STK33: variants seen among roughly 807,000 people sequenced by gnomAD.
STK33 encodes serine/threonine-protein kinase 33.
STK33 carries 52 observed loss-of-function variants against 58.0 expected under a neutral mutation model. The observed-to-expected ratio is 0.90, with a 90% confidence interval of 0.72 to 1.13. The LOEUF (loss-of-function observed/expected upper bound fraction) is 1.13, where lower values mean the gene tolerates loss of function less well. STK33 is among the 50% of genes most tolerant of loss of function. STK33 has a pLI of 0.00. For synonymous variants in STK33, 215 were observed against 200.1 expected (o/e 1.07, Z -0.63); for missense variants, 630 against 604.2 (o/e 1.04, Z -0.45).
intron 14 of STK33, among the ~76,000 whole-genome samples, chr11:8,415,001 A>T (rs1385467956): frequency 1.3e-5 from 2 of 152,070 alleles, no homozygotes; most frequent in African/African-American, 4.8e-5. Context: ...AATCAGGTAG[A>T]ATGGTAGATA....
chr11:8,417,662 A>C (rs1385243205), intron 14 of STK33, among the ~76,000 whole-genome samples: 1 of 152,140 alleles, frequency 6.6e-6, no homozygotes, highest in African/African-American at 2.4e-5. Context: ...CCTAGGAGTA[A>C]ATTTTTTCAG....
intron 1 of STK33, among the ~76,000 whole-genome samples, chr11:8,491,722 G>T (rs897662176): frequency 6.6e-6 from 1 of 152,174 alleles, no homozygotes; most frequent in East Asian, 1.9e-4. Flanking sequence ...ACAAAGGGAA[G>T]CCCATCAGAC....
Position 8,436,077 on chromosome 11 carries a change from T to C in STK33, c.1010A>G (p.Lys337Arg). 6.3e-7 allele frequency: 1 copy of C among 1,597,754 alleles called. No homozygotes were observed. The change falls in exon 13 of 16, where the codon AAA (lysine) becomes AGA (arginine). Residue 337 changes from lysine (K) to arginine (R), a missense_variant. Coordinates refer to ENST00000687296, the MANE Select transcript of STK33 (RefSeq NM_001352389.2). ...TGCATTTTCAAAATGTAGTTCTCCT[T>C]TTCTTATTAACTCAAAAAGCTTCTC... ...SEEKLFELIR[K>R]GELHFENAVW...
chr11:8,514,734 C>G (rs78411851), intron 1 of STK33, among the ~76,000 whole-genome samples: 2,251 of 152,314 alleles, frequency 0.015, 51 homozygotes, highest in African/African-American at 0.051. Flanking sequence ...ATGTTGATGA[C>G]ACCATCCTGG....
intron 6 of STK33, among the ~76,000 whole-genome samples, chr11:8,471,791 A>C (rs2137765742): frequency 6.6e-6 from 1 of 152,296 alleles, no homozygotes; most frequent in South Asian, 2.1e-4. Flanking sequence ...GCATAGAAAA[A>C]GTGAAGTTAA....
chr11:8,431,651 T>C (rs564424719), intron 14 of STK33, among the ~76,000 whole-genome samples: 8 of 152,256 alleles, frequency 5.3e-5, no homozygotes, highest in African/African-American at 1.9e-4. Flanking sequence ...ATATAGACAT[T>C]TGAGTGATTG....
rs1957859394 is a variant in STK33, at chr11:8,572,036, T to TTA, written c.-466+22046_-466+22047insTA. Among the ~76,000 whole-genome samples the TTA allele has an allele frequency of 7.1e-5, 5 of 70,346 alleles. 2 individuals carry two copies. The highest frequency in any genetic ancestry group is 9.4e-4 in the South Asian group (2 of 2,130). The allele number at this position is 70,346 out of a possible 152,430, so 46.1% of individuals were successfully genotyped here. ...AAAATTAAATTTTAATTTTAAAAAA[T>TTA]AAATTAATTAATTAATTAATTTTAA... is the stretch of plus-strand genomic sequence containing the variant. On this transcript the variant is annotated intron_variant, in intron 1 of 15. Coordinates refer to ENST00000687296, the MANE Select transcript of STK33 (RefSeq NM_001352389.2).
chr11:8,436,023 T>G lies in STK33; in HGVS notation c.1060+4A>C. The stretch of plus-strand genomic sequence containing the variant: ...TTAGTAAATAATAACGCATCTATAC[T>G]TACCACAGTCACTTATGGAATTCCA... On this transcript the variant is annotated splice_donor_region_variant and intron_variant, in intron 13 of 15. Coordinates refer to ENST00000687296, the MANE Select transcript of STK33 (RefSeq NM_001352389.2). 6.5e-7 allele frequency: 1 copy of G among 1,549,210 alleles called. No homozygotes were observed. Among genetic ancestry groups the G allele is most frequent in the Non-Finnish European group, 8.7e-7 (1 of 1,143,626 alleles).
intron 1 of STK33, among the ~76,000 whole-genome samples, chr11:8,577,892 C>T (rs1053700986): frequency 1.3e-5 from 2 of 152,024 alleles, no homozygotes; most frequent in Non-Finnish European, 2.9e-5. Flanking sequence ...GGTAACTTTC[C>T]TGAGCAAGAA....
chr11:8,407,840 A>T (rs1590817810), intron 15 of STK33, among the ~76,000 whole-genome samples: 1 of 152,190 alleles, frequency 6.6e-6, no homozygotes, highest in Non-Finnish European at 1.5e-5. Context: ...CACAGAGCTC[A>T]GCAAACCCCA....
At chr11:8,400,375 A>G (rs1850172483) in intron 15 of STK33, among the ~76,000 whole-genome samples, 1 of 152,232 alleles carries the variant, frequency 6.6e-6, no homozygotes, top group Non-Finnish European at 1.5e-5. Flanking sequence ...AAACCATATG[A>G]TTATCTCAAT....
At chr11:8,366,942 C>G in the STK33 span, among the ~76,000 whole-genome samples, 9 of 152,320 alleles carry the variant, frequency 5.9e-5, no homozygotes, top group African/African-American at 2.2e-4. Context: ...AGGCCTTGCA[C>G]TTGGGACTGT....
At chr11:8,401,212 C>A (rs1464600336) in intron 15 of STK33, among the ~76,000 whole-genome samples, 1 of 152,170 alleles carries the variant, frequency 6.6e-6, no homozygotes, top group Non-Finnish European at 1.5e-5. Flanking sequence ...TACCTGACTT[C>A]AAACTATACA....
intron 9 of STK33, among the ~76,000 whole-genome samples, chr11:8,456,432 C>T (rs1043045375): frequency 1.3e-5 from 2 of 152,202 alleles, no homozygotes; most frequent in African/African-American, 4.8e-5. Flanking sequence ...TCCCACCAGC[C>T]CAAGTTCCTT....
At chr11:8,564,545 T>C (rs557765907) in intron 1 of STK33, among the ~76,000 whole-genome samples, 1 of 152,324 alleles carries the variant, frequency 6.6e-6, no homozygotes, top group South Asian at 2.1e-4. Context: ...CTTGCCCTTG[T>C]ATAGCATGTG....
At chr11:8,378,225 A>G in the STK33 span, among the ~76,000 whole-genome samples, 2 of 152,190 alleles carry the variant, frequency 1.3e-5, no homozygotes, top group African/African-American at 4.8e-5. Context: ...AAGTGGGGGG[A>G]AGCCCCTTAA....
At chr11:8,506,533 A>T (rs1185395852) in intron 1 of STK33, among the ~76,000 whole-genome samples, 1 of 152,174 alleles carries the variant, frequency 6.6e-6, no homozygotes, top group Non-Finnish European at 1.5e-5. Flanking sequence ...ATCTGTTTCC[A>T]TGCTGATTCT....
intron 1 of STK33, among the ~76,000 whole-genome samples, chr11:8,555,832 G>T (rs1956709932): frequency 6.6e-6 from 1 of 151,984 alleles, no homozygotes; most frequent in Non-Finnish European, 1.5e-5. Context: ...ATACAATTAT[G>T]ATGTCAATTA....
chr11:8,506,445 T>A (rs182636754), intron 1 of STK33, among the ~76,000 whole-genome samples: 5 of 152,194 alleles, frequency 3.3e-5, no homozygotes, highest in African/African-American at 1.2e-4. Flanking sequence ...TTCTGTAAGT[T>A]AGAAATCTAA....
Sources: gnomAD v4.1 joint callset for allele counts (sites outside exome capture counted in the v4.1 genomes callset) on GRCh38, gnomAD v4.1.1 for gene constraint, MANE v1.5 for transcripts, NCBI Gene and HGNC (gene_info 2026-07-23, HGNC 2026-07-21) for gene names.